GCNT2: variants seen among roughly 807,000 people sequenced by gnomAD.
GCNT2 encodes glucosaminyl (N-acetyl) transferase 2 (I blood group).
Under a neutral mutation model 34.2 loss-of-function variants are expected in GCNT2, and 34 were observed. The ratio of observed to expected loss-of-function variants is 1.00; its 90% CI spans 0.76 to 1.32. The LOEUF is 1.32. GCNT2 is among the 40% of genes most tolerant of loss of function. The pLI is 0.00. For synonymous variants in GCNT2, 212 were observed against 188.0 expected (o/e 1.13, Z -1.04); for missense variants, 584 against 489.4 (o/e 1.19, Z -1.82).
At chr6:10,575,764 G>T (rs1260036337) in intron 3 of GCNT2, among the ~76,000 whole-genome samples, 2 of 152,134 alleles carry the variant, frequency 1.3e-5, no homozygotes, top group Non-Finnish European at 2.9e-5. Flanking sequence ...TAAATGGCCG[G>T]TCCTTGCCTT....
intron 3 of GCNT2, among the ~76,000 whole-genome samples, chr6:10,614,945 C>T (rs1206012975): frequency 6.6e-6 from 1 of 152,120 alleles, no homozygotes; most frequent in African/African-American, 2.4e-5. Context: ...GCAGCTTTTT[C>T]CTATAACAGG....
intron 3 of GCNT2, chr6:10,557,163 C>T (rs199596076): frequency 2.6e-5 from 40 of 1,548,148 alleles, no homozygotes; most frequent in Non-Finnish European, 2.9e-5. Context: ...AGAACAACAG[C>T]GTTGAAACCG....
chr6:10,551,973 G>A (rs1156513053), intron 3 of GCNT2, among the ~76,000 whole-genome samples: 2 of 151,674 alleles, frequency 1.3e-5, no homozygotes, highest in African/African-American at 4.8e-5. Flanking sequence ...TGGCCAGGCT[G>A]GTCTCAAACT....
intron 3 of GCNT2, among the ~76,000 whole-genome samples, chr6:10,549,702 G>A (rs900687420): frequency 6.6e-6 from 1 of 151,048 alleles, no homozygotes. Context: ...CTCCCCAGTA[G>A]CTCTCTGTCT....
chr6:10,623,292 AT>A (rs35557936), intron 4 of GCNT2, among the ~76,000 whole-genome samples: 14,051 of 139,200 alleles, frequency 0.1, 966 homozygotes, highest in African/African-American at 0.21. Flanking sequence ...TGCCTACATT[AT>A]TTTTTTTTTT....
intron 3 of GCNT2, among the ~76,000 whole-genome samples, chr6:10,546,272 C>T (rs867154175): frequency 6.6e-6 from 1 of 152,148 alleles, no homozygotes; most frequent in African/African-American, 2.4e-5. Flanking sequence ...TGCAGTTGAC[C>T]AGTGCCAACA....
chr6:10,601,844 G>C (rs1448915574), intron 3 of GCNT2, among the ~76,000 whole-genome samples: 3 of 151,534 alleles, frequency 2.0e-5, no homozygotes, highest in Admixed American at 6.6e-5. Flanking sequence ...AGGAGGCTGA[G>C]GCAGGAGAAT....
chr6:10,531,075 C>T (rs1761466103), intron 3 of GCNT2, among the ~76,000 whole-genome samples: 1 of 151,890 alleles, frequency 6.6e-6, no homozygotes, highest in South Asian at 2.1e-4. Context: ...AGACTAGTAC[C>T]TCCATTTTAT....
At chr6:10,576,260 G>A (rs1763805912) in intron 3 of GCNT2, among the ~76,000 whole-genome samples, 1 of 151,962 alleles carries the variant, frequency 6.6e-6, no homozygotes. Flanking sequence ...CCATAAAGAA[G>A]GTTTTATTAG....
intron 3 of GCNT2, among the ~76,000 whole-genome samples, chr6:10,539,147 G>A (rs1403014757): frequency 1.4e-5 from 2 of 143,016 alleles, no homozygotes; most frequent in Admixed American, 1.4e-4. Context: ...AAACAGGCCT[G>A]AGTTTAAAGC....
At chr6:10,580,271 AG>A (rs1294355817) in intron 3 of GCNT2, among the ~76,000 whole-genome samples, 4 of 151,212 alleles carry the variant, frequency 2.6e-5, no homozygotes, top group African/African-American at 9.9e-5. Flanking sequence ...GCCAGGGGTC[AG>A]GGGGGTGGGG....
intron 3 of GCNT2, among the ~76,000 whole-genome samples, chr6:10,550,043 A>C (rs1437693301): frequency 6.6e-6 from 1 of 152,120 alleles, no homozygotes. Context: ...ATTATATAGT[A>C]GTTTACCCCA....
intron 3 of GCNT2, among the ~76,000 whole-genome samples, chr6:10,539,432 G>A (rs12530091): frequency 0.32 from 48,841 of 151,532 alleles, 9,468 homozygotes; most frequent in South Asian, 0.57. Context: ...CAGGCGATCC[G>A]CCCACCTCAG....
chr6:10,529,727 C>T lies in GCNT2; in HGVS notation c.816C>T (p.Asp272=). 1 of 1,614,126 alleles carries T rather than the reference C, an allele frequency of 6.2e-7. No individual in the cohort carries two copies. The highest frequency in any genetic ancestry group is 1.7e-5 in the Admixed American group (1 of 60,026). ...CGGCCTACGTGGCTCTCACAAGGGA[C>T]TTTGCTAACTTCGTCCTCCAAGACC... ...FGTAYVALTR[D]FANFVLQDQL... The change falls in exon 3 of 5, where the codon GAC becomes GAT. Residue 272 remains aspartate, a synonymous_variant. Coordinates refer to ENST00000495262, the MANE Select transcript of GCNT2 (RefSeq NM_145649.5).
intron 3 of GCNT2, among the ~76,000 whole-genome samples, chr6:10,541,212 T>C (rs879279492): frequency 6.6e-6 from 1 of 152,142 alleles, no homozygotes; most frequent in East Asian, 1.9e-4. Context: ...TTCCCTTGCA[T>C]GTGTCCATAA....
chr6:10,590,814 A>G (rs1378302638), intron 3 of GCNT2, among the ~76,000 whole-genome samples: 1 of 152,092 alleles, frequency 6.6e-6, no homozygotes, highest in Non-Finnish European at 1.5e-5. Context: ...GGCCTCCCAA[A>G]GTGCTGGGAT....
chr6:10,553,457 G>C (rs752569883), intron 3 of GCNT2, among the ~76,000 whole-genome samples: 4 of 152,226 alleles, frequency 2.6e-5, no homozygotes, highest in Non-Finnish European at 4.4e-5. Context: ...AAGAGATGCT[G>C]AGCACATGGA....
At chr6:10,611,120 C>T (rs140021868) in intron 3 of GCNT2, among the ~76,000 whole-genome samples, 31 of 151,960 alleles carry the variant, frequency 2.0e-4, no homozygotes, top group African/African-American at 6.3e-4. Flanking sequence ...TGTGATGGCT[C>T]ATGCCTGTAA....
At chr6:10,616,426 T>G (rs1352097639) in intron 3 of GCNT2, among the ~76,000 whole-genome samples, 1 of 152,352 alleles carries the variant, frequency 6.6e-6, no homozygotes. Flanking sequence ...CCTGCTTTTA[T>G]TCTCTTATCT....
Sources: gnomAD v4.1 joint callset for allele counts (sites outside exome capture counted in the v4.1 genomes callset) on GRCh38, gnomAD v4.1.1 for gene constraint, MANE v1.5 for transcripts, NCBI Gene and HGNC (gene_info 2026-07-23, HGNC 2026-07-21) for gene names.